PHLDB2: variants seen among roughly 807,000 people sequenced by gnomAD.
PHLDB2 encodes pleckstrin homology like domain family B member 2, also known as pleckstrin homology-like domain family B member 2.
In PHLDB2, 71 loss-of-function variants were observed where a neutral mutation model predicts 123.6. That is an observed-to-expected ratio of 0.57 (90% CI 0.47 to 0.70). PHLDB2 has a LOEUF of 0.70. Ranked by LOEUF, PHLDB2 falls within the 30% of genes least tolerant of loss-of-function variation. PHLDB2 has a pLI of 0.00. For synonymous variants in PHLDB2, 547 were observed against 541.6 expected (o/e 1.01, Z -0.14); for missense variants, 1,446 against 1,519.5 (o/e 0.95, Z 0.80).
At position 111,975,418 on chromosome 3, in the gene PHLDB2, G is replaced by C. The variant is rs974703907; in HGVS notation, c.*855G>C. 2 of 152,138 alleles carry C rather than the reference G, an allele frequency of 1.3e-5. No individual in the cohort carries two copies. The highest frequency in any genetic ancestry group is 4.8e-5 in the African/African-American group (2 of 41,416). 9.4% of individuals were successfully genotyped at this position (152,138 alleles called of 1,614,324 possible). The stretch of plus-strand genomic sequence containing the variant: ...TTTTGCTGAAGATTTCTCCATTCCT[G>C]GTGCTGAGAATAAAGGCAACCAGTA... On this transcript the variant is annotated 3_prime_UTR_variant, in exon 18 of 18. Transcript: ENST00000431670.
intron 1 of PHLDB2, among the ~76,000 whole-genome samples, chr3:111,746,667 A>G (rs1026026255): frequency 6.6e-6 from 1 of 152,188 alleles, no homozygotes; most frequent in African/African-American, 2.4e-5. Flanking sequence ...TGGGAGGCTG[A>G]GGAAGGAAGA....
At chr3:111,742,776 T>C (rs9877777) in intron 1 of PHLDB2, among the ~76,000 whole-genome samples, 26,918 of 152,126 alleles carry the variant, frequency 0.18, 2,525 homozygotes, top group Admixed American at 0.2. Flanking sequence ...AACATACGTG[T>C]GCATGTGTCT....
At chr3:111,853,811 G>T (rs529741876) in intron 2 of PHLDB2, among the ~76,000 whole-genome samples, 50 of 152,112 alleles carry the variant, frequency 3.3e-4, no homozygotes, top group African/African-American at 1.1e-3. Context: ...GTAGGCAGAG[G>T]TTGTGAGCCA....
chr3:111,851,924 TG>T (rs1472534373), intron 2 of PHLDB2, among the ~76,000 whole-genome samples: 1 of 151,868 alleles, frequency 6.6e-6, no homozygotes, highest in African/African-American at 2.4e-5. Flanking sequence ...ACATTGCTCA[TG>T]GTCTTTCCTC....
chr3:111,916,395 C>A (rs1222760647), intron 3 of PHLDB2: 1 of 152,142 alleles, frequency 6.6e-6, no homozygotes, highest in African/African-American at 2.4e-5. Context: ...ACAGAAAATT[C>A]TTTTTAAAAC....
At chr3:111,820,214 T>C (rs1161973489) in intron 1 of PHLDB2, among the ~76,000 whole-genome samples, 4 of 152,214 alleles carry the variant, frequency 2.6e-5, no homozygotes, top group Non-Finnish European at 5.9e-5. Flanking sequence ...TCCTCCACTG[T>C]TGTAATGATT....
chr3:111,764,061 C>A (rs1366263690), intron 1 of PHLDB2, among the ~76,000 whole-genome samples: 2 of 152,164 alleles, frequency 1.3e-5, no homozygotes, highest in African/African-American at 2.4e-5. Context: ...TCAGACAGAC[C>A]TGCACATGAC....
At chr3:111,750,947 C>T (rs757219558) in intron 1 of PHLDB2, among the ~76,000 whole-genome samples, 2 of 117,710 alleles carry the variant, frequency 1.7e-5, no homozygotes, top group Admixed American at 8.8e-5. Context: ...AACTCTGTCT[C>T]AAAAAAAAAA....
intron 6 of PHLDB2, among the ~76,000 whole-genome samples, chr3:111,934,218 T>C (rs576953352): frequency 6.6e-6 from 1 of 152,128 alleles, no homozygotes; most frequent in African/African-American, 2.4e-5. Context: ...TATTAAGAGG[T>C]CTACTAATTC....
At chr3:111,891,647 T>TC (rs1032313336) in intron 2 of PHLDB2, among the ~76,000 whole-genome samples, 1 of 151,930 alleles carries the variant, frequency 6.6e-6, no homozygotes, top group African/African-American at 2.4e-5. Context: ...AAACCATCCC[T>TC]CCCCCATGTC....
At chr3:111,739,587 AC>A (rs370650735) in intron 1 of PHLDB2, among the ~76,000 whole-genome samples, 33,446 of 106,892 alleles carry the variant, frequency 0.31, 5,371 homozygotes, top group Non-Finnish European at 0.37. Context: ...AAAAAAAAAA[AC>A]AAAACAAACA....
At chr3:111,757,999 C>T (rs935917303) in intron 1 of PHLDB2, among the ~76,000 whole-genome samples, 5 of 152,150 alleles carry the variant, frequency 3.3e-5, no homozygotes, top group African/African-American at 7.2e-5. Context: ...TGTGAGGTGT[C>T]AGTCTGCCCC....
At chr3:111,887,057 T>G (rs1189569416) in intron 2 of PHLDB2, among the ~76,000 whole-genome samples, 1 of 152,222 alleles carries the variant, frequency 6.6e-6, no homozygotes, top group Non-Finnish European at 1.5e-5. Context: ...TGCTTCTATT[T>G]GCTCTTCTGT....
At chr3:111,782,149 T>C (rs1164175190) in intron 1 of PHLDB2, among the ~76,000 whole-genome samples, 2 of 152,078 alleles carry the variant, frequency 1.3e-5, no homozygotes, top group Non-Finnish European at 2.9e-5. Context: ...ACTTCATTAT[T>C]TGCATCCAAA....
In PHLDB2 at chr3:111,877,909, C is replaced by G. The variant is rs145737487; in HGVS notation, c.-14-6155C>G. On this transcript the variant is annotated intron_variant, in intron 1 of 17. Transcript: ENST00000431670. ...TGGTGTTATTTCTGAGGTCTCTGTT[C>G]TGTTCCATTGGTCTATCTAGTACCA... Among the ~76,000 whole-genome samples the G allele has an allele frequency of 2.6e-4, 39 of 152,116 alleles. No individual in the cohort carries two copies. In the East Asian group the frequency reaches 6.8e-3, roughly 26 times the overall value.
chr3:111,846,140 A>G, intron 2 of PHLDB2: 3 of 517,872 alleles, frequency 5.8e-6, no homozygotes, highest in South Asian at 2.4e-5. Flanking sequence ...CACTGAAGTC[A>G]TATGCTGAGG....
intron 2 of PHLDB2, among the ~76,000 whole-genome samples, chr3:111,895,350 G>A (rs746825002): frequency 1.1e-3 from 167 of 152,292 alleles, no homozygotes; most frequent in African/African-American, 3.9e-3. Flanking sequence ...CAGGCTAAAC[G>A]CTGAAATATA....
chr3:111,909,975 A>G (rs1417310406), intron 2 of PHLDB2, among the ~76,000 whole-genome samples: 1 of 152,138 alleles, frequency 6.6e-6, no homozygotes, highest in Non-Finnish European at 1.5e-5. Context: ...CCTGTGACCT[A>G]CACTGGTTGG....
At chr3:111,804,896 A>G (rs2061511923) in intron 1 of PHLDB2, among the ~76,000 whole-genome samples, 1 of 152,256 alleles carries the variant, frequency 6.6e-6, no homozygotes, top group Non-Finnish European at 1.5e-5. Flanking sequence ...GACATAAATA[A>G]CAATAGAACA....
Sources: gnomAD v4.1 joint callset for allele counts (sites outside exome capture counted in the v4.1 genomes callset) on GRCh38, gnomAD v4.1.1 for gene constraint, MANE v1.5 for transcripts, NCBI Gene and HGNC (gene_info 2026-07-23, HGNC 2026-07-21) for gene names.